Variants in CCM2 observed in about 807,000 individuals in gnomAD.
CCM2 encodes the protein cerebral cavernous malformations 2 protein.
In CCM2, 25 loss-of-function variants were observed where a neutral mutation model predicts 44.9. That is an observed-to-expected ratio of 0.56 (90% confidence interval 0.41 to 0.78). CCM2 has a LOEUF of 0.78. Among genes scored for constraint, CCM2 ranks in the 30% least tolerant of loss-of-function variants. The pLI is 0.00. For synonymous variants in CCM2, 219 were observed against 241.1 expected (o/e 0.91, Z 0.85); for missense variants, 481 against 580.6 (o/e 0.83, Z 1.76).
In CCM2 at chr7:45,064,584, A is replaced by G. The variant is rs771971051; in HGVS notation, c.410A>G (p.His137Arg). ...GEDIILRVPI[H>R]DIAAVSYVRD... Reference sequence around the variant, plus strand: ...GATATCATCCTCAGGGTGCCCATCCATGACATCGCCGCCGTCTCCTATGTT... The same window carrying G: ...GATATCATCCTCAGGGTGCCCATCCGTGACATCGCCGCCGTCTCCTATGTT... Residue 137 changes from histidine to arginine, a missense_variant, in exon 4 of 10, where the codon CAT becomes CGT. His to Arg is a conservative substitution (Grantham distance 29). Transcript: ENST00000258781. The G allele has an allele frequency of 3.1e-6, 5 of 1,614,024 alleles. No homozygotes were observed. The highest frequency in any genetic ancestry group is 4.2e-6 in the Non-Finnish European group (5 of 1,180,030).
At chr7:45,063,438 T>C (rs1395843141) in intron 2 of CCM2, among the ~76,000 whole-genome samples, 1 of 152,206 alleles carries the variant, frequency 6.6e-6, no homozygotes, top group Non-Finnish European at 1.5e-5. Flanking sequence ...CAGCACATGC[T>C]TTTTGGGGGA....
chr7:45,024,396 A>G (rs1359582800), intron 1 of CCM2, among the ~76,000 whole-genome samples: 1 of 152,210 alleles, frequency 6.6e-6, no homozygotes, highest in Non-Finnish European at 1.5e-5. Context: ...CTAGGCTCTT[A>G]GTTTACATAA....
rs1471483297 is a variant in CCM2, at chr7:45,076,055, T to G, written c.1333T>G (p.Ter445GlyextTer16). Residue 445 changes from the stop codon to glycine, a stop_lost, in exon 10 of 10, where the codon TGA becomes GGA. Transcript: ENST00000258781. ...CTGCAGCATGGACCAGGACTCAGCA[T>G]GATGGACAGTGGATGGGGGGGCACC... ...LGCSMDQDSA* is the reference protein window; with the variant it reads ...LGCSMDQDSAG The G allele has an allele frequency of 6.2e-7, 1 of 1,612,956 alleles. No homozygotes were observed.
At chr7:45,018,160 A>G (rs949079742) in intron 1 of CCM2, among the ~76,000 whole-genome samples, 1 of 152,086 alleles carries the variant, frequency 6.6e-6, no homozygotes. Flanking sequence ...ATGAGAATCT[A>G]ATGCAGCCAC....
At chr7:45,064,678 G>A (rs769973429) in intron 4 of CCM2, 32 bp downstream of exon 4, 4 of 1,609,880 alleles carry the variant, frequency 2.5e-6, no homozygotes, top group Admixed American at 3.3e-5. Context: ...GAGGGTCCTT[G>A]TCCTAAGGAG....
chr7:45,070,013 C>T, intron 6 of CCM2, 52 bp downstream of exon 6: 6 of 1,603,422 alleles, frequency 3.7e-6, no homozygotes, highest in Non-Finnish European at 5.1e-6. Context: ...GGAGGGGCTA[C>T]TGCAGTGGCC....
chr7:45,076,024 G>A lies in CCM2; in HGVS notation c.1302G>A (p.Ala434=), dbSNP rs1027238438. The A allele has an allele frequency of 2.5e-6, 4 of 1,613,060 alleles. No individual in the cohort carries two copies. Among genetic ancestry groups the A allele is most frequent in the African/African-American group, 1.3e-5 (1 of 75,056 alleles). Residue 434 remains alanine (A), a synonymous_variant, in exon 10 of 10, where the codon GCG becomes GCA. Transcript: ENST00000258781. ...MISDISSDIE[A]LGCSMDQDSA The stretch of plus-strand genomic sequence containing the variant: ...CGGACATCAGCAGCGACATTGAGGC[G>A]CTGGGCTGCAGCATGGACCAGGACT...
chr7:45,020,232 A>G (rs1262481005), intron 1 of CCM2, among the ~76,000 whole-genome samples: 1 of 151,796 alleles, frequency 6.6e-6, no homozygotes, highest in Non-Finnish European at 1.5e-5. Flanking sequence ...CTTCTTTTTT[A>G]TTTCTTGTTT....
chr7:45,068,682 G>C, intron 5 of CCM2, 103 bp downstream of exon 5: 1 of 1,457,582 alleles, frequency 6.9e-7, no homozygotes, highest in Non-Finnish European at 9.5e-7. Context: ...GGCACTGCTG[G>C]GTGCCCCAGC....
chr7:45,009,436 ACT>A (rs1429406370), intron 1 of CCM2, among the ~76,000 whole-genome samples: 2 of 105,186 alleles, frequency 1.9e-5, no homozygotes, highest in African/African-American at 7.7e-5. Flanking sequence ...ACGGAGTCTC[ACT>A]CTGTCACCTA....
At chr7:45,073,899 T>C in intron 8 of CCM2, 1 of 521,824 alleles carries the variant, frequency 1.9e-6, no homozygotes. Context: ...CTTATATAGT[T>C]CTGTCATTGC....
intron 1 of CCM2, among the ~76,000 whole-genome samples, chr7:45,019,166 G>C (rs897425893): frequency 6.6e-6 from 1 of 150,988 alleles, no homozygotes; most frequent in African/African-American, 2.4e-5. Flanking sequence ...CCGCCTCCCG[G>C]GTTCAAGTGA....
intron 1 of CCM2, among the ~76,000 whole-genome samples, chr7:45,021,202 A>T (rs1796466754): frequency 1.3e-5 from 2 of 152,154 alleles, no homozygotes; most frequent in Non-Finnish European, 2.9e-5. Context: ...GAATGCAGTG[A>T]GCCATGATTG....
In CCM2 at chr7:45,069,852, G is replaced by C. The variant is rs150076154; in HGVS notation, c.636G>C (p.Leu212=). ...TCGCTGCGGAGGAGCTTTGCTGTCTGCTAGGCCAGGTCTTCCAGGTTGTTT... is the reference window on the plus strand; with the variant it reads ...TCGCTGCGGAGGAGCTTTGCTGTCTCCTAGGCCAGGTCTTCCAGGTTGTTT... ...SKVAAEELCC[L]LGQVFQVVYT... Residue 212 remains leucine (L), a synonymous_variant, in exon 6 of 10, where the codon CTG becomes CTC. Coordinates refer to ENST00000258781, the MANE Select transcript of CCM2 (RefSeq NM_031443.4). 2.2e-4 allele frequency: 351 copies of C among 1,614,212 alleles called. No homozygotes were observed. In the African/African-American group the frequency reaches 4.2e-3, roughly 19 times the overall value.
At chr7:45,014,738 C>T (rs1406390594) in intron 1 of CCM2, among the ~76,000 whole-genome samples, 1 of 150,790 alleles carries the variant, frequency 6.6e-6, no homozygotes, top group Non-Finnish European at 1.5e-5. Flanking sequence ...TCTCCTGCTT[C>T]AGCCTCCCCA....
At chr7:45,006,713 A>G (rs1195858339) in intron 1 of CCM2, among the ~76,000 whole-genome samples, 2 of 152,130 alleles carry the variant, frequency 1.3e-5, no homozygotes, top group African/African-American at 4.8e-5. Context: ...ATCCAATCTG[A>G]TGGATGTCCT....
intron 4 of CCM2, among the ~76,000 whole-genome samples, chr7:45,065,584 T>C (rs1053261011): frequency 6.6e-6 from 1 of 152,200 alleles, no homozygotes; most frequent in African/African-American, 2.4e-5. Flanking sequence ...ATTGACCCCT[T>C]GAGCCATGAA....
intron 2 of CCM2, among the ~76,000 whole-genome samples, chr7:45,047,740 A>T (rs999584787): frequency 6.6e-6 from 1 of 152,130 alleles, no homozygotes; most frequent in Admixed American, 6.5e-5. Context: ...GGGCAACAGG[A>T]GGGGTCCTCA....
chr7:45,009,190 A>G (rs1475426677), intron 1 of CCM2, among the ~76,000 whole-genome samples: 1 of 149,056 alleles, frequency 6.7e-6, no homozygotes, highest in African/African-American at 2.5e-5. Context: ...AATCCCAGCT[A>G]CTCCAGAGGC....
Sources: allele counts gnomAD v4.1 joint callset (sites outside exome capture counted in the v4.1 genomes callset), GRCh38; gene constraint gnomAD v4.1.1; transcripts MANE v1.5; gene names NCBI Gene and HGNC (gene_info 2026-07-23, HGNC 2026-07-21).